The following COMMD10 variants were observed in gnomAD, a reference collection of about 807,000 sequenced individuals.
The protein encoded by COMMD10 is COMM domain containing 10.
A neutral mutation model predicts 28.9 loss-of-function variants in COMMD10; 33 were observed. The observed-to-expected ratio is 1.14, with a 90% CI of 0.87 to 1.53. The LOEUF (loss-of-function observed/expected upper bound fraction) is 1.53. COMMD10 is among the 40% of genes most tolerant of loss of function. COMMD10 has a pLI of 0.00. For synonymous variants in COMMD10, 110 were observed against 81.7 expected, an observed-to-expected ratio of 1.35 and a Z score of -1.87; for missense variants, 310 against 233.4, an observed-to-expected ratio of 1.33 and a Z score of -2.14.
intron 5 of COMMD10, among the ~76,000 whole-genome samples, chr5:116,148,961 A>G (rs76869888): frequency 2.0e-5 from 3 of 150,664 alleles, no homozygotes; most frequent in African/African-American, 7.3e-5. Flanking sequence ...ATAACTCATC[A>G]TGTAGCATTA....
intron 5 of COMMD10, among the ~76,000 whole-genome samples, chr5:116,157,629 A>G (rs531276499): frequency 7.1e-4 from 108 of 152,322 alleles, no homozygotes; most frequent in African/African-American, 2.4e-3. Context: ...AATAGGCCAG[A>G]TTTAAGGAAT....
At chr5:116,137,145 G>A (rs1272681740) in intron 5 of COMMD10, among the ~76,000 whole-genome samples, 1 of 151,822 alleles carries the variant, frequency 6.6e-6, no homozygotes, top group East Asian at 1.9e-4. Flanking sequence ...CCTTCTCCTT[G>A]ATTTTATGAT....
At chr5:116,144,149 A>G in intron 5 of COMMD10, among the ~76,000 whole-genome samples, 1 of 151,866 alleles carries the variant, frequency 6.6e-6, no homozygotes, top group South Asian at 2.1e-4. Context: ...TTTGGAAATC[A>G]TTGAGTTTAT....
At chr5:116,133,210 A>G (rs1446124854) in intron 4 of COMMD10, among the ~76,000 whole-genome samples, 1 of 152,198 alleles carries the variant, frequency 6.6e-6, no homozygotes, top group Admixed American at 6.5e-5. Context: ...AAATATTGAT[A>G]CTTGAGATTT....
chr5:116,215,443 C>T (rs965158367), intron 5 of COMMD10, among the ~76,000 whole-genome samples: 1 of 151,514 alleles, frequency 6.6e-6, no homozygotes. Flanking sequence ...TATTTTACCA[C>T]TTTGGGAGGC....
chr5:116,202,434 A>G (rs537066985), intron 5 of COMMD10, among the ~76,000 whole-genome samples: 50 of 152,074 alleles, frequency 3.3e-4, no homozygotes, highest in African/African-American at 1.1e-3. Context: ...TGGTATTTCT[A>G]GTTCTAGATC....
intron 5 of COMMD10, among the ~76,000 whole-genome samples, chr5:116,154,370 C>G (rs1007402034): frequency 2.6e-5 from 4 of 152,018 alleles, no homozygotes; most frequent in African/African-American, 9.7e-5. Context: ...TTAGTGATGT[C>G]AAAAGTTATA....
At chr5:116,128,948 T>C (rs1243848247) in intron 4 of COMMD10, among the ~76,000 whole-genome samples, 1 of 151,888 alleles carries the variant, frequency 6.6e-6, no homozygotes, top group Non-Finnish European at 1.5e-5. Flanking sequence ...TTAGCCACTT[T>C]TTGATAATGT....
intron 5 of COMMD10, among the ~76,000 whole-genome samples, chr5:116,214,039 G>A (rs1561670514): frequency 6.6e-6 from 1 of 152,060 alleles, no homozygotes; most frequent in Non-Finnish European, 1.5e-5. Flanking sequence ...GACAATAGTA[G>A]TATATTATGT....
At chr5:116,194,079 A>G (rs1748442765) in intron 5 of COMMD10, among the ~76,000 whole-genome samples, 1 of 152,154 alleles carries the variant, frequency 6.6e-6, no homozygotes, top group African/African-American at 2.4e-5. Flanking sequence ...TTGGGTCAAA[A>G]ACAAAATCAA....
intron 5 of COMMD10, among the ~76,000 whole-genome samples, chr5:116,205,719 A>AC (rs1748794229): frequency 1.3e-5 from 2 of 152,176 alleles, no homozygotes; most frequent in Admixed American, 1.3e-4. Flanking sequence ...AAATTAAAAA[A>AC]TGAGGTCAAG....
chr5:116,087,476 C>T, intron 1 of COMMD10, 21 bp from the exon 2 acceptor site: 5 of 1,496,296 alleles, frequency 3.3e-6, no homozygotes, highest in Non-Finnish European at 4.7e-6. Context: ...TTTCAAAACT[C>T]TGTTTTATAA....
At chr5:116,127,516 G>C (rs1193583578) in intron 4 of COMMD10, among the ~76,000 whole-genome samples, 4 of 152,122 alleles carry the variant, frequency 2.6e-5, no homozygotes, top group Non-Finnish European at 5.9e-5. Context: ...GCAAAGACTT[G>C]GAAGCAACCC....
At chr5:116,242,101 A>G (rs1254341426) in intron 5 of COMMD10, among the ~76,000 whole-genome samples, 2 of 152,178 alleles carry the variant, frequency 1.3e-5, no homozygotes, top group Non-Finnish European at 2.9e-5. Flanking sequence ...CTCTGAAGCT[A>G]ACAGCTATGA....
chr5:116,128,027 G>A (rs1309628230), intron 4 of COMMD10, among the ~76,000 whole-genome samples: 7 of 152,014 alleles, frequency 4.6e-5, no homozygotes, highest in South Asian at 2.1e-4. Context: ...GTGTCAGTTC[G>A]CAGCATAAAA....
At chr5:116,238,056 G>A (rs1271787687) in intron 5 of COMMD10, among the ~76,000 whole-genome samples, 1 of 152,146 alleles carries the variant, frequency 6.6e-6, no homozygotes, top group Non-Finnish European at 1.5e-5. Context: ...TATGGCTCAT[G>A]TTGCACAAAA....
intron 5 of COMMD10, among the ~76,000 whole-genome samples, chr5:116,244,803 C>T (rs1749900588): frequency 6.6e-6 from 1 of 151,686 alleles, no homozygotes; most frequent in African/African-American, 2.4e-5. Context: ...ATACAAAATA[C>T]CGGAATCTAT....
intron 4 of COMMD10, among the ~76,000 whole-genome samples, chr5:116,097,079 T>C (rs1267044565): frequency 2.0e-5 from 3 of 152,164 alleles, no homozygotes; most frequent in Admixed American, 2.0e-4. Context: ...GAAAGTTTGT[T>C]TTTTTAAAGG....
chr5:116,239,989 A>G (rs1346225560), intron 5 of COMMD10, among the ~76,000 whole-genome samples: 1 of 152,114 alleles, frequency 6.6e-6, no homozygotes, highest in Non-Finnish European at 1.5e-5. Context: ...GTCTCAGAGT[A>G]GAAGAGTTGA....
Sources: allele counts gnomAD v4.1 joint callset (sites outside exome capture counted in the v4.1 genomes callset), GRCh38; gene constraint gnomAD v4.1.1; transcripts MANE v1.5; gene names NCBI Gene and HGNC (gene_info 2026-07-23, HGNC 2026-07-21).